Variants in NUTM2F observed in about 807,000 individuals in gnomAD.
The protein encoded by NUTM2F is NUT family member 2F.
NUTM2F carries 22 observed loss-of-function variants against 43.3 expected under a neutral mutation model. That is an observed-to-expected ratio of 0.51 (90% confidence interval 0.36 to 0.73). NUTM2F has a LOEUF of 0.73. Among genes scored for constraint, NUTM2F ranks in the 30% least tolerant of loss-of-function variants. NUTM2F has a pLI of 0.00. For missense variants in NUTM2F, 488 were observed against 927.4 expected, an observed-to-expected ratio of 0.53 and a Z score of 6.15; for synonymous variants, 202 against 389.0, an observed-to-expected ratio of 0.52 and a Z score of 5.66.
chr9:94,321,225 C>T lies in NUTM2F; in HGVS notation c.850G>A (p.Glu284Lys). The T allele has an allele frequency of 6.3e-7, 1 of 1,580,562 alleles. No homozygotes were observed. The highest frequency in any genetic ancestry group is 8.5e-7 in the Non-Finnish European group (1 of 1,171,432). ...TGCATCTCCTCCTCAGCCTCAAATT[C>T]CAGGAACCTGTGGGTGAAGGAGGCC... Reference protein sequence around the residue: ...IFYEMAEKFLEFEAEEEMQIQ... With the variant: ...IFYEMAEKFLKFEAEEEMQIQ... The change falls in exon 4 of 7, where the codon GAA (glutamate) becomes AAA (lysine). Residue 284 changes from glutamate (E) to lysine (K), a missense_variant. Glu to Lys is a moderately conservative substitution (Grantham distance 56). Coordinates refer to ENST00000253262, the MANE Select transcript of NUTM2F (RefSeq NM_017561.2).
At chr9:94,323,827 C>A (rs1306654447) in intron 2 of NUTM2F, among the ~76,000 whole-genome samples, 1 of 152,172 alleles carries the variant, frequency 6.6e-6, no homozygotes, top group African/African-American at 2.4e-5. Context: ...CAGGCTCCAC[C>A]ACCGCTGTGC....
intron 1 of NUTM2F, among the ~76,000 whole-genome samples, chr9:94,328,084 G>A (rs1316189773): frequency 1.3e-5 from 2 of 151,996 alleles, no homozygotes; most frequent in East Asian, 3.9e-4. Context: ...CCCCAGCCTT[G>A]CCCACCCAGA....
chr9:94,325,025 G>A (rs552021665), intron 2 of NUTM2F, among the ~76,000 whole-genome samples: 3 of 142,042 alleles, frequency 2.1e-5, no homozygotes, highest in South Asian at 2.4e-4. Context: ...CTGGACTCAC[G>A]GGACAGTGAC....
At chr9:94,323,346 G>C (rs1831403997) in intron 2 of NUTM2F, among the ~76,000 whole-genome samples, 1 of 152,242 alleles carries the variant, frequency 6.6e-6, no homozygotes, top group Non-Finnish European at 1.5e-5. Context: ...GGAATGGCCA[G>C]TGTGTTGCAC....
intron 1 of NUTM2F, among the ~76,000 whole-genome samples, chr9:94,327,849 C>T (rs3802464): frequency 0.1 from 14,804 of 147,756 alleles, 1,544 homozygotes; most frequent in East Asian, 0.35. Context: ...GTACAGAGGA[C>T]GGGCCATGAG....
chr9:94,319,832 C>T (rs896622569), intron 5 of NUTM2F, 103 bp from the exon 6 acceptor site: 16 of 1,477,792 alleles, frequency 1.1e-5, no homozygotes, highest in Non-Finnish European at 1.4e-5. Flanking sequence ...CCCATTCCCA[C>T]CCTCCTGGGG....
Position 94,320,263 on chromosome 9 carries a change from G to C in NUTM2F, c.1313C>G (p.Pro438Arg). ...PQEEDGITSD[P>R]GLLSYIDKLC... ...CTTGTCAATGTAGCTCAGGAGGCCC[G>C]GGTCTGAGGTTATCCCGTCCTCTTC... is the stretch of plus-strand genomic sequence containing the variant. Residue 438 changes from proline (P) to arginine (R), a missense_variant, in exon 5 of 7, where the codon CCG becomes CGG. By Grantham distance (103) the Pro-to-Arg change is moderately radical. Coordinates refer to ENST00000253262, the MANE Select transcript of NUTM2F (RefSeq NM_017561.2). This position sits in a 1 kb window ranked among gnomAD's most constrained non-coding sequence, Gnocchi z 4.5. The C allele has an allele frequency of 3.1e-6, 5 of 1,613,936 alleles. No individual in the cohort carries two copies. Among genetic ancestry groups the C allele is most frequent in the Non-Finnish European group, 4.2e-6 (5 of 1,179,846 alleles).
intron 1 of NUTM2F, among the ~76,000 whole-genome samples, 168 bp downstream of exon 1, chr9:94,328,440 A>C (rs7019931): frequency 0.29 from 44,248 of 151,866 alleles, 7,883 homozygotes; most frequent in East Asian, 0.57. Flanking sequence ...CCCTAACCAC[A>C]GACTCAGGGT....
rs1257307911 is a variant in NUTM2F at position 94,320,304 on chromosome 9, T to A, written c.1272A>T (p.Lys424Asn). The change falls in exon 5 of 7, where the codon AAA (lysine) becomes AAT (asparagine). Residue 424 changes from lysine to asparagine, a missense_variant. Physicochemically the swap from Lys to Asn is moderately conservative, Grantham distance 94. Transcript: ENST00000253262. The surrounding 1 kb of genome is among the most constrained non-coding windows in gnomAD (Gnocchi z 4.5). The stretch of plus-strand genomic sequence containing the variant: ...CGTCCTCTTCCTGCGGCTGCTCCAC[T>A]TTGCCCTTTTCCCGTTGTCCCTCAG... ...GEPEGQREKGKVEQPQEEDGI... is the reference protein window; with the variant it reads ...GEPEGQREKGNVEQPQEEDGI... The A allele has an allele frequency of 6.2e-7, 1 of 1,613,940 alleles. No homozygotes were observed. The highest frequency in any genetic ancestry group is 1.7e-5 in the Admixed American group (1 of 60,016).
In NUTM2F at chr9:94,325,365, G is replaced by A. The variant is rs375891334; in HGVS notation, c.586C>T (p.Arg196Trp). ...TTGGGTTTACAGGAGTCGTCCGGCCGGGCCTTGGCCTGGGAGGGAGCCAGG... is the reference window on the plus strand; with the variant it reads ...TTGGGTTTACAGGAGTCGTCCGGCCAGGCCTTGGCCTGGGAGGGAGCCAGG... ...GSLAPSQAKA[R>W]PDDSCKPKSV... Residue 196 changes from arginine (R) to tryptophan (W), a missense_variant, in exon 2 of 7, where the codon CGG (arginine) becomes TGG (tryptophan). Physicochemically the swap from Arg to Trp is moderately radical, Grantham distance 101. Coordinates refer to ENST00000253262, the MANE Select transcript of NUTM2F (RefSeq NM_017561.2). The A allele has an allele frequency of 7.2e-4, 722 of 1,001,788 alleles. 7 individuals are homozygous for A. The African/African-American group carries it at 0.015, about 20-fold the overall frequency. 62.1% of individuals were successfully genotyped at this position (1,001,788 alleles called of 1,614,324 possible).
intron 3 of NUTM2F, among the ~76,000 whole-genome samples, chr9:94,321,900 C>A (rs1261552137): frequency 6.6e-6 from 1 of 151,608 alleles, no homozygotes; most frequent in Non-Finnish European, 1.5e-5. Context: ...CTCCCCATCC[C>A]CACAGCTGGA....
At position 94,325,856 on chromosome 9, in the gene NUTM2F, G is replaced by A. The variant is rs766187972; in HGVS notation, c.95C>T (p.Thr32Ile). ...CCTGTGTGCTGGGCCGGGAGCGGGT[G>A]TGGCAAAGGGCAGAGCCGTGAACAC... ...LSVFTALPFATPAPGPAHRPP... is the reference protein window; with the variant it reads ...LSVFTALPFAIPAPGPAHRPP... Residue 32 changes from threonine (T) to isoleucine (I), a missense_variant, in exon 2 of 7, where the codon ACA (threonine) becomes ATA (isoleucine). Transcript: ENST00000253262. The A allele has an allele frequency of 1.9e-6, 3 of 1,612,032 alleles. No homozygotes were observed. The highest frequency in any genetic ancestry group is 2.2e-5 in the East Asian group (1 of 44,876).
chr9:94,323,756 G>A (rs954853215), intron 2 of NUTM2F, among the ~76,000 whole-genome samples: 38 of 152,154 alleles, frequency 2.5e-4, no homozygotes, highest in African/African-American at 8.0e-4. Flanking sequence ...GATTGACGGT[G>A]AAGATGCTAA....
Position 94,325,644 on chromosome 9 carries a change from T to G in NUTM2F, c.307A>C (p.Thr103Pro). The G allele has an allele frequency of 1.2e-6, 2 of 1,606,080 alleles. No individual in the cohort carries two copies. Among genetic ancestry groups the G allele is most frequent in the African/African-American group, 2.7e-5 (2 of 73,782 alleles). Residue 103 changes from threonine to proline, a missense_variant, in exon 2 of 7, where the codon ACT becomes CCT. Physicochemically the swap from Thr to Pro is conservative, Grantham distance 38. Transcript: ENST00000253262. Reference sequence around the variant, plus strand: ...GCCTGCCAGACGAGGGGGGCCTGAGTTAGGATCAAGGTCTGTGCCTGAGGG... The same window carrying G: ...GCCTGCCAGACGAGGGGGGCCTGAGGTAGGATCAAGGTCTGTGCCTGAGGG... ...KPPQAQTLIL[T>P]QAPLVWQAPG...
rs185122757 is a variant in NUTM2F at position 94,320,765 on chromosome 9, C to T, written c.983-172G>A. ...AGGAGGGGCACATCTGAGACAGCATCGCTTGGGAGGAAGTTTGGAGCCACC... is the reference window on the plus strand; with the variant it reads ...AGGAGGGGCACATCTGAGACAGCATTGCTTGGGAGGAAGTTTGGAGCCACC... On this transcript the variant is annotated intron_variant, in intron 4 of 6. Transcript: ENST00000253262. The surrounding 1 kb of genome is among the most constrained non-coding windows in gnomAD (Gnocchi z 4.5). Among the ~76,000 whole-genome samples the T allele has an allele frequency of 5.3e-5, 8 of 152,274 alleles. No individual in the cohort carries two copies. The highest frequency in any genetic ancestry group is 1.9e-4 in the African/African-American group (8 of 41,546).
Position 94,321,218 on chromosome 9 carries a change from T to G in NUTM2F, c.857A>C (p.Glu286Ala). Residue 286 changes from glutamate to alanine, a missense_variant, in exon 4 of 7, where the codon GAG becomes GCG. Physicochemically the swap from Glu to Ala is moderately radical, Grantham distance 107 (BLOSUM62 -1). Transcript: ENST00000253262. ...YEMAEKFLEF[E>A]AEEEMQIQKS... ...CTGAATCTGCATCTCCTCCTCAGCC[T>G]CAAATTCCAGGAACCTGTGGGTGAA... The G allele has an allele frequency of 4.4e-6, 7 of 1,580,014 alleles. No individual in the cohort carries two copies. The highest frequency in any genetic ancestry group is 6.0e-6 in the Non-Finnish European group (7 of 1,171,160).
intron 3 of NUTM2F, 79 bp downstream of exon 3, chr9:94,322,122 A>C: frequency 1.9e-6 from 3 of 1,577,078 alleles, no homozygotes; most frequent in Non-Finnish European, 2.6e-6. Flanking sequence ...CCATGCTGAG[A>C]AGCCACCACG....
chr9:94,323,103 C>T (rs1018450041), intron 2 of NUTM2F, among the ~76,000 whole-genome samples: 3 of 152,116 alleles, frequency 2.0e-5, no homozygotes, highest in Admixed American at 6.5e-5. Context: ...CAAAGCAGAG[C>T]GGTGTCCAAG....
chr9:94,328,574 A>G (rs1298983182), intron 1 of NUTM2F, 34 bp downstream of exon 1: 2 of 1,613,776 alleles, frequency 1.2e-6, no homozygotes, highest in South Asian at 1.1e-5. Flanking sequence ...GAGGCAAGGC[A>G]GACTCGGATA....
Sources: allele counts gnomAD v4.1 joint callset (sites outside exome capture counted in the v4.1 genomes callset), GRCh38; gene constraint gnomAD v4.1.1; non-coding constraint Gnocchi (gnomAD v3.1); transcripts MANE v1.5; gene names NCBI Gene and HGNC (gene_info 2026-07-23, HGNC 2026-07-21).